The following CLSTN1 variants were observed in gnomAD, a reference collection of about 807,000 sequenced individuals.
The protein encoded by CLSTN1 is calsyntenin 1, also known as calsyntenin-1.
Under a neutral mutation model 108.3 loss-of-function variants are expected in CLSTN1, and 28 were observed. The ratio of observed to expected loss-of-function variants is 0.26; its 90% CI spans 0.19 to 0.35. CLSTN1 has a LOEUF of 0.35. Ranked by LOEUF, CLSTN1 falls within the 10% of genes least tolerant of loss-of-function variation. CLSTN1 has a pLI of 1.00. For synonymous variants in CLSTN1, 524 were observed against 534.9 expected (o/e 0.98, Z 0.28); for missense variants, 1,157 against 1,302.6 (o/e 0.89, Z 1.72).
chr1:9,743,335 G>A (rs1482179517), intron 9 of CLSTN1, among the ~76,000 whole-genome samples: 1 of 152,222 alleles, frequency 6.6e-6, no homozygotes, highest in Non-Finnish European at 1.5e-5. Flanking sequence ...TTGGGCGGCT[G>A]AGGTGGGTGC....
chr1:9,757,056 G>A (rs1202690439), intron 2 of CLSTN1, among the ~76,000 whole-genome samples: 3 of 151,784 alleles, frequency 2.0e-5, no homozygotes, highest in African/African-American at 2.4e-5. Flanking sequence ...GGGATTACAG[G>A]AGTGAGCCCC....
Position 9,816,761 on chromosome 1 carries a change from C to T in CLSTN1, c.91+6882G>A, listed in dbSNP as rs1654990392. On this transcript the variant is annotated intron_variant, in intron 1 of 18. Transcript: ENST00000377298. Reference sequence around the variant, plus strand: ...CCCTGGGTTCAAGCAATTCTCCTGCCTCAGCCTCCCAAGTAGCTGGGATTA... The same window carrying T: ...CCCTGGGTTCAAGCAATTCTCCTGCTTCAGCCTCCCAAGTAGCTGGGATTA... Among the ~76,000 whole-genome samples the T allele has an allele frequency of 2.6e-5, 4 of 152,172 alleles. 1 individual carries two copies. The South Asian group carries it at 8.3e-4, about 31-fold the overall frequency.
chr1:9,729,071 T>TATCA lies in CLSTN1; in HGVS notation c.*1433_*1436dup, dbSNP rs1330704443. 8 of 152,198 alleles carry TATCA rather than the reference T, an allele frequency of 5.3e-5. No homozygotes were observed. The East Asian group carries it at 9.6e-4, about 18-fold the overall frequency. 9.4% of individuals were successfully genotyped at this position (152,198 alleles called of 1,614,324 possible). Reference sequence around the variant, plus strand: ...ATTGTAGCGGATACACTTTCTGACCTATCATGAGTATACACATCTGCGAAG... The same window carrying TATCA: ...ATTGTAGCGGATACACTTTCTGACCTATCAATCATGAGTATACACATCTGCGAAG... On this transcript the variant is annotated 3_prime_UTR_variant, in exon 19 of 19. Transcript: ENST00000377298.
intron 2 of CLSTN1, among the ~76,000 whole-genome samples, chr1:9,763,382 CT>C (rs1258652653): frequency 6.6e-6 from 1 of 152,210 alleles, no homozygotes; most frequent in African/African-American, 2.4e-5. Flanking sequence ...GTCTGTGACG[CT>C]TGTTAAAAAT....
intron 11 of CLSTN1, 67 bp downstream of exon 11, chr1:9,737,431 C>A (rs149372022): frequency 6.9e-7 from 1 of 1,444,502 alleles, no homozygotes. Flanking sequence ...TCATGCGACA[C>A]GTGGAATGAA....
intron 1 of CLSTN1, among the ~76,000 whole-genome samples, chr1:9,815,236 C>G (rs1015844224): frequency 1.3e-5 from 2 of 152,014 alleles, no homozygotes; most frequent in Non-Finnish European, 2.9e-5. Context: ...ACCAAAGGCT[C>G]AATGTTTTTA....
intron 11 of CLSTN1, 70 bp from the exon 12 acceptor site, chr1:9,736,112 A>G: frequency 6.3e-7 from 1 of 1,589,362 alleles, no homozygotes; most frequent in Non-Finnish European, 8.6e-7. Context: ...TTCTCACTCA[A>G]CACGGTGTTA....
rs560454527 is a variant in CLSTN1 at position 9,730,229 on chromosome 1, C to A, written c.*279G>T. ...CCTCTCCCCGGGGGGAGACTCCAGACACAAACGCGGGGCCTGAGGCGCTGG... is the reference window on the plus strand; with the variant it reads ...CCTCTCCCCGGGGGGAGACTCCAGAAACAAACGCGGGGCCTGAGGCGCTGG... On this transcript the variant is annotated 3_prime_UTR_variant, in exon 19 of 19. Coordinates refer to ENST00000377298, the MANE Select transcript of CLSTN1 (RefSeq NM_001009566.3). The surrounding 1 kb of genome is among the most constrained non-coding windows in gnomAD (Gnocchi z 5.6). The A allele has an allele frequency of 3.8e-6, 2 of 532,598 alleles. No homozygotes were observed. Among genetic ancestry groups the A allele is most frequent in the South Asian group, 2.2e-5 (1 of 44,730 alleles). 33.0% of individuals were successfully genotyped at this position (532,598 alleles called of 1,614,324 possible).
At chr1:9,808,510 G>A (rs898502048) in intron 1 of CLSTN1, among the ~76,000 whole-genome samples, 1 of 152,116 alleles carries the variant, frequency 6.6e-6, no homozygotes, top group Non-Finnish European at 1.5e-5. Flanking sequence ...ATCAATATGA[G>A]TTACCTTTCC....
intron 1 of CLSTN1, among the ~76,000 whole-genome samples, chr1:9,787,833 T>C (rs950795356): frequency 2.6e-5 from 4 of 151,422 alleles, no homozygotes; most frequent in African/African-American, 9.7e-5. Context: ...TCACCACCAC[T>C]ACCCGTCTCT....
chr1:9,768,324 G>C (rs1444815646), intron 2 of CLSTN1, among the ~76,000 whole-genome samples: 1 of 149,474 alleles, frequency 6.7e-6, no homozygotes, highest in African/African-American at 2.5e-5. Context: ...GGCACCATGG[G>C]GGCGGAGTTC....
chr1:9,816,734 C>T (rs1369819752), intron 1 of CLSTN1, among the ~76,000 whole-genome samples: 8 of 152,080 alleles, frequency 5.3e-5, no homozygotes, highest in African/African-American at 1.9e-4. Flanking sequence ...GCAACCTCCG[C>T]CCCCTGGGTT....
chr1:9,803,176 T>G (rs1333898534), intron 1 of CLSTN1, among the ~76,000 whole-genome samples: 2 of 152,154 alleles, frequency 1.3e-5, no homozygotes, highest in Non-Finnish European at 2.9e-5. Flanking sequence ...CAGAGCTTAC[T>G]TAAGTGGGAA....
intron 16 of CLSTN1, 108 bp from the exon 17 acceptor site, chr1:9,732,004 C>T (rs1394380303): frequency 3.8e-6 from 5 of 1,322,358 alleles, no homozygotes; most frequent in Non-Finnish European, 5.3e-6. Flanking sequence ...AGAGTGGCTC[C>T]TGGACCGCAG....
Position 9,791,372 on chromosome 1 carries a change from A to C in CLSTN1, c.92-17978T>G, listed in dbSNP as rs2101226764. Among the ~76,000 whole-genome samples the C allele has an allele frequency of 1.3e-5, 2 of 151,312 alleles. 1 individual carries two copies. Among genetic ancestry groups the C allele is most frequent in the South Asian group, 4.3e-4 (2 of 4,604 alleles). On this transcript the variant is annotated intron_variant, in intron 1 of 18. Coordinates refer to ENST00000377298, the MANE Select transcript of CLSTN1 (RefSeq NM_001009566.3). Reference sequence around the variant, plus strand: ...ATCCTTCTGCCTCAGCCTCCCGAGTAGCTGGGGAGCCACCATGTCCAGCTA... The same window carrying C: ...ATCCTTCTGCCTCAGCCTCCCGAGTCGCTGGGGAGCCACCATGTCCAGCTA...
chr1:9,748,171 C>T (rs1021290602), intron 7 of CLSTN1, among the ~76,000 whole-genome samples: 2 of 152,150 alleles, frequency 1.3e-5, no homozygotes, highest in African/African-American at 2.4e-5. Flanking sequence ...ACACAAAAGA[C>T]CCTTCCAATT....
In CLSTN1 at chr1:9,752,810, C is replaced by T. The variant is rs182149141; in HGVS notation, c.441-1129G>A. Among the ~76,000 whole-genome samples the T allele has an allele frequency of 2.4e-3, 371 of 152,144 alleles. 3 individuals are homozygous for T. The highest frequency in any genetic ancestry group is 8.6e-3 in the African/African-American group (355 of 41,500). On this transcript the variant is annotated intron_variant, in intron 4 of 18. Transcript: ENST00000377298. ...CCTGGAGGTGGAGGTTGCAGTGAGC[C>T]GAGATTGTGCCACCGCACTCCAGCC...
chr1:9,812,314 T>C (rs77714453), intron 1 of CLSTN1, among the ~76,000 whole-genome samples: 1,991 of 152,042 alleles, frequency 0.013, 29 homozygotes, highest in East Asian at 0.043. Context: ...AAGGGGAAAC[T>C]TGCACCCTGA....
At chr1:9,731,629 T>C in intron 17 of CLSTN1, 132 bp downstream of exon 17, 5 of 995,092 alleles carry the variant, frequency 5.0e-6, no homozygotes, top group Non-Finnish European at 6.1e-6. Flanking sequence ...AGTTTCCTTG[T>C]GTGTGATGGG....
Sources: allele counts gnomAD v4.1 joint callset (sites outside exome capture counted in the v4.1 genomes callset), GRCh38; gene constraint gnomAD v4.1.1; non-coding constraint Gnocchi (gnomAD v3.1); transcripts MANE v1.5; gene names NCBI Gene and HGNC (gene_info 2026-07-23, HGNC 2026-07-21).